Variants in ADK observed in about 807,000 individuals in gnomAD.
The protein encoded by ADK is adenosine kinase.
In ADK, 24 loss-of-function variants were observed where a neutral mutation model predicts 44.7. The observed-to-expected ratio is 0.54, with a 90% CI of 0.39 to 0.76. ADK has a LOEUF of 0.76. Among genes scored for constraint, ADK ranks in the 30% least tolerant of loss-of-function variants. ADK has a pLI of 0.00. For synonymous variants in ADK, 128 were observed against 142.6 expected (o/e 0.90, Z 0.73); for missense variants, 321 against 425.1 (o/e 0.76, Z 2.15).
chr10:74,553,195 T>TG (rs1564788595), intron 7 of ADK, among the ~76,000 whole-genome samples: 3 of 103,054 alleles, frequency 2.9e-5, no homozygotes, highest in Non-Finnish European at 5.4e-5. Flanking sequence ...ATTGTGTTTT[T>TG]TTTTTTTTTT....
At chr10:74,239,074 G>A (rs1295918654) in intron 3 of ADK, among the ~76,000 whole-genome samples, 1 of 151,852 alleles carries the variant, frequency 6.6e-6, no homozygotes, top group Non-Finnish European at 1.5e-5. Context: ...GAGAAGAGAT[G>A]CTGTAAAGTT....
chr10:74,461,178 C>T (rs1178232134), intron 6 of ADK, among the ~76,000 whole-genome samples: 1 of 151,910 alleles, frequency 6.6e-6, no homozygotes, highest in African/African-American at 2.4e-5. Context: ...CATTTAAGTC[C>T]CTAACTTGTC....
chr10:74,505,600 A>G (rs1022645791), intron 6 of ADK, among the ~76,000 whole-genome samples: 2 of 149,852 alleles, frequency 1.3e-5, no homozygotes, highest in African/African-American at 5.0e-5. Flanking sequence ...ATGAAGTCAT[A>G]TACACCATTG....
intron 3 of ADK, among the ~76,000 whole-genome samples, chr10:74,232,157 T>G (rs1844790177): frequency 6.6e-6 from 1 of 152,196 alleles, no homozygotes; most frequent in Non-Finnish European, 1.5e-5. Context: ...ATCTCATAAC[T>G]TCTATGAAAT....
chr10:74,616,663 T>G (rs1191294140), intron 9 of ADK, among the ~76,000 whole-genome samples: 1 of 152,214 alleles, frequency 6.6e-6, no homozygotes, highest in Non-Finnish European at 1.5e-5. Flanking sequence ...TCTTCTGAGT[T>G]TGTTCTTCAA....
chr10:74,391,374 G>A (rs1450259383), intron 4 of ADK, among the ~76,000 whole-genome samples: 3 of 151,878 alleles, frequency 2.0e-5, no homozygotes, highest in East Asian at 3.8e-4. Flanking sequence ...TGTATGGAAT[G>A]CTATATTCAG....
intron 4 of ADK, among the ~76,000 whole-genome samples, chr10:74,320,890 C>T (rs144321298): frequency 1.3e-5 from 2 of 152,246 alleles, no homozygotes; most frequent in East Asian, 1.9e-4. Flanking sequence ...GAGAGAGTGT[C>T]GAATATGCAT....
chr10:74,256,843 A>G (rs1369810352), intron 3 of ADK, among the ~76,000 whole-genome samples: 4 of 152,240 alleles, frequency 2.6e-5, no homozygotes, highest in Admixed American at 2.6e-4. Flanking sequence ...CATATATCAA[A>G]ACAGTATTTT....
At chr10:74,489,636 A>T (rs1431444975) in intron 6 of ADK, among the ~76,000 whole-genome samples, 1 of 151,950 alleles carries the variant, frequency 6.6e-6, no homozygotes, top group Non-Finnish European at 1.5e-5. Context: ...TAGTCCTGAA[A>T]ATGCTGCTAT....
chr10:74,575,349 C>T (rs897544092), intron 7 of ADK, among the ~76,000 whole-genome samples: 1 of 152,124 alleles, frequency 6.6e-6, no homozygotes, highest in Non-Finnish European at 1.5e-5. Context: ...GCAGTCTGCA[C>T]ATAATTGTTA....
chr10:74,661,440 GT>G, intron 9 of ADK: 1 of 188,514 alleles, frequency 5.3e-6, no homozygotes, highest in Non-Finnish European at 9.9e-6. Flanking sequence ...ATAAAATAAG[GT>G]TAGTGATACC....
At chr10:74,306,152 C>T (rs976674320) in intron 3 of ADK, among the ~76,000 whole-genome samples, 6 of 151,694 alleles carry the variant, frequency 4.0e-5, no homozygotes, top group African/African-American at 1.2e-4. Context: ...TAAAAAAATC[C>T]TTTTTCTGTC....
chr10:74,468,360 A>G (rs1466772512), intron 6 of ADK, among the ~76,000 whole-genome samples: 1 of 152,210 alleles, frequency 6.6e-6, no homozygotes, highest in African/African-American at 2.4e-5. Context: ...TGTGCTCTCC[A>G]AACCTTCATA....
At chr10:74,162,222 T>C (rs916013026) in intron 1 of ADK, among the ~76,000 whole-genome samples, 4 of 152,054 alleles carry the variant, frequency 2.6e-5, no homozygotes, top group African/African-American at 7.2e-5. Context: ...GGTTTCACCA[T>C]GTTGGCCAGG....
At chr10:74,251,367 T>G (rs1044758706) in intron 3 of ADK, among the ~76,000 whole-genome samples, 19 of 152,190 alleles carry the variant, frequency 1.2e-4, no homozygotes, top group Non-Finnish European at 2.6e-4. Flanking sequence ...TATCATATAT[T>G]GGAGGTAGAA....
chr10:74,409,917 T>C (rs965522031), intron 6 of ADK, among the ~76,000 whole-genome samples: 1 of 152,202 alleles, frequency 6.6e-6, no homozygotes, highest in Non-Finnish European at 1.5e-5. Flanking sequence ...ACCTATGCCA[T>C]GAGTAACAAT....
At chr10:74,266,575 G>GA (rs1301875374) in intron 3 of ADK, among the ~76,000 whole-genome samples, 5 of 149,614 alleles carry the variant, frequency 3.3e-5, no homozygotes, top group Admixed American at 6.7e-5. Context: ...AAAAAAAGAA[G>GA]AAAAAAAAAG....
intron 6 of ADK, among the ~76,000 whole-genome samples, chr10:74,435,658 G>A (rs1845156925): frequency 6.6e-6 from 1 of 152,032 alleles, no homozygotes; most frequent in South Asian, 2.1e-4. Context: ...TATTTGACAA[G>A]GACAAAAGGA....
intron 7 of ADK, among the ~76,000 whole-genome samples, chr10:74,548,221 G>A (rs1417762094): frequency 6.6e-6 from 1 of 151,358 alleles, no homozygotes; most frequent in East Asian, 1.9e-4. Flanking sequence ...TTTCTTTTCA[G>A]TATTGCAAAT....
Sources: allele counts gnomAD v4.1 joint callset (sites outside exome capture counted in the v4.1 genomes callset), GRCh38; gene constraint gnomAD v4.1.1; transcripts MANE v1.5; gene names NCBI Gene and HGNC (gene_info 2026-07-23, HGNC 2026-07-21).